The following ZNRF3 variants were observed in gnomAD, a reference collection of about 807,000 sequenced individuals.
ZNRF3 encodes E3 ubiquitin-protein ligase ZNRF3.
Under a neutral mutation model 72.5 loss-of-function variants are expected in ZNRF3, and 23 were observed. That is an observed-to-expected ratio of 0.32 (90% confidence interval 0.23 to 0.45). ZNRF3 has a LOEUF of 0.45. Ranked by LOEUF, ZNRF3 falls within the 20% of genes least tolerant of loss-of-function variation. The pLI is 1.00. For synonymous variants in ZNRF3, 610 were observed against 545.3 expected (o/e 1.12, Z -1.65); for missense variants, 1,169 against 1,272.1 (o/e 0.92, Z 1.23).
intron 1 of ZNRF3, among the ~76,000 whole-genome samples, chr22:28,939,502 G>A (rs1341216946): frequency 6.6e-6 from 1 of 152,072 alleles, no homozygotes; most frequent in African/African-American, 2.4e-5. Flanking sequence ...TAGAAACAAG[G>A]ACAGAACGAA....
chr22:28,971,510 G>A (rs1051849229), intron 1 of ZNRF3, among the ~76,000 whole-genome samples: 5 of 152,066 alleles, frequency 3.3e-5, no homozygotes, highest in Admixed American at 6.6e-5. Flanking sequence ...TCCATGCCTC[G>A]TACGCCCTAA....
intron 1 of ZNRF3, among the ~76,000 whole-genome samples, chr22:28,955,287 T>C (rs2035239238): frequency 6.6e-6 from 1 of 152,090 alleles, no homozygotes; most frequent in Non-Finnish European, 1.5e-5. Context: ...ACTCAAGTGA[T>C]CCTCCTTCAC....
intron 2 of ZNRF3, among the ~76,000 whole-genome samples, chr22:28,998,472 C>T (rs140564606): frequency 9.4e-4 from 143 of 152,178 alleles, no homozygotes; most frequent in African/African-American, 3.1e-3. Flanking sequence ...TTAAGGAGCA[C>T]TTGGGTAGCT....
chr22:29,052,564 G>A (rs1275037176), intron 8 of ZNRF3, among the ~76,000 whole-genome samples: 1 of 152,112 alleles, frequency 6.6e-6, no homozygotes, highest in Non-Finnish European at 1.5e-5. Context: ...GTGGTGGCGT[G>A]TGCCTGTAGT....
intron 1 of ZNRF3, among the ~76,000 whole-genome samples, chr22:28,980,712 TATTA>T (rs928039897): frequency 6.6e-6 from 1 of 152,212 alleles, no homozygotes; most frequent in African/African-American, 2.4e-5. Flanking sequence ...CATTGTAGCT[TATTA>T]ATTATTTGCA....
chr22:28,884,797 C>T (rs983534449), intron 1 of ZNRF3, among the ~76,000 whole-genome samples: 1 of 151,220 alleles, frequency 6.6e-6, no homozygotes, highest in African/African-American at 2.4e-5. Context: ...GACAGGACCT[C>T]CACCTTGGAC....
In ZNRF3 at chr22:29,049,287, C is replaced by A; in HGVS notation, c.1106C>A (p.Pro369His). ...AGGGTGACCCTGCCGGTGCATTACC[C>A]CGGCCGCGTGCACAGGACCAACGCC... ...QQRVTLPVHY[P>H]GRVHRTNAIP... is the part of the protein sequence containing the mutation. Residue 369 changes from proline (P) to histidine (H), a missense_variant, in exon 8 of 9, where the codon CCC (proline) becomes CAC (histidine). This residue lies in a region of ZNRF3 where 386 missense variants were observed against 540.7 expected (regional missense o/e 0.71). Coordinates refer to ENST00000544604, the MANE Select transcript of ZNRF3 (RefSeq NM_001206998.2). This position sits in a 1 kb window ranked among gnomAD's most constrained non-coding sequence, Gnocchi z 5.2. 1 of 1,614,046 alleles carries A rather than the reference C, an allele frequency of 6.2e-7. No homozygotes were observed.
At chr22:28,902,758 C>T (rs887082157) in intron 1 of ZNRF3, among the ~76,000 whole-genome samples, 3 of 152,082 alleles carry the variant, frequency 2.0e-5, no homozygotes, top group African/African-American at 7.2e-5. Flanking sequence ...CTTTTCCTAG[C>T]GTTGTTATGA....
At chr22:28,900,954 T>A (rs879858357) in intron 1 of ZNRF3, among the ~76,000 whole-genome samples, 147 of 151,932 alleles carry the variant, frequency 9.7e-4, no homozygotes, top group Admixed American at 1.1e-3. Flanking sequence ...AAATTTTTTT[T>A]AAAAAAATTA....
chr22:28,924,176 T>C (rs1298609162), intron 1 of ZNRF3, among the ~76,000 whole-genome samples: 1 of 152,162 alleles, frequency 6.6e-6, no homozygotes, highest in Admixed American at 6.5e-5. Context: ...AGGTGAAGCA[T>C]GTGTTGCAGA....
intron 1 of ZNRF3, among the ~76,000 whole-genome samples, chr22:28,894,034 C>T (rs1325675173): frequency 6.6e-6 from 1 of 152,132 alleles, no homozygotes; most frequent in African/African-American, 2.4e-5. Flanking sequence ...TGGCTCACTG[C>T]AGCTTGAAAT....
At chr22:28,971,189 TAAA>T (rs1296907192) in intron 1 of ZNRF3, among the ~76,000 whole-genome samples, 1 of 151,592 alleles carries the variant, frequency 6.6e-6, no homozygotes, top group Non-Finnish European at 1.5e-5. Flanking sequence ...ACCCTGTCTC[TAAA>T]AAAATGTTTT....
intron 1 of ZNRF3, among the ~76,000 whole-genome samples, chr22:28,945,713 A>G (rs1191627591): frequency 6.6e-6 from 1 of 151,976 alleles, no homozygotes; most frequent in Non-Finnish European, 1.5e-5. Context: ...TACTTTTAGT[A>G]GAGACGGGGT....
chr22:29,041,082 A>G lies in ZNRF3; in HGVS notation c.427-1413A>G, dbSNP rs181692897. Among the ~76,000 whole-genome samples, 17 of 152,306 alleles carry G rather than the reference A, an allele frequency of 1.1e-4. No individual in the cohort carries two copies. The East Asian group carries it at 2.5e-3, about 22-fold the overall frequency. ...GGGTTTGCCTTCTATACATACACAC[A>G]TTAGAAGTGTCTTACTTCCCTAACA... On this transcript the variant is annotated intron_variant, in intron 2 of 8. Transcript: ENST00000544604.
At chr22:29,026,959 A>C (rs528824765) in intron 2 of ZNRF3, 1 of 152,362 alleles carries the variant, frequency 6.6e-6, no homozygotes, top group African/African-American at 2.4e-5. Context: ...GAGTAGCATA[A>C]GTGGGTTTCT....
intron 1 of ZNRF3, among the ~76,000 whole-genome samples, chr22:28,960,328 A>G (rs375588513): frequency 9.2e-5 from 14 of 152,350 alleles, no homozygotes; most frequent in African/African-American, 3.4e-4. Flanking sequence ...TTTTTAATAA[A>G]TGAGTCCCTT....
chr22:28,952,222 ATGT>A (rs1230373370), intron 1 of ZNRF3, among the ~76,000 whole-genome samples: 1 of 152,172 alleles, frequency 6.6e-6, no homozygotes, highest in Admixed American at 6.5e-5. Flanking sequence ...TTTTATGAAG[ATGT>A]TGTTGTACTT....
chr22:29,011,108 G>C (rs879310337), intron 2 of ZNRF3, among the ~76,000 whole-genome samples: 5 of 152,208 alleles, frequency 3.3e-5, no homozygotes, highest in Admixed American at 2.6e-4. Context: ...CACATAGAAG[G>C]TTACACAAAC....
intron 1 of ZNRF3, among the ~76,000 whole-genome samples, chr22:28,887,241 T>A (rs889697433): frequency 1.8e-3 from 261 of 145,566 alleles, no homozygotes; most frequent in African/African-American, 5.0e-3. Flanking sequence ...AGAGAGTGTG[T>A]GTGTGTGTGT....
Sources: gnomAD v4.1 joint callset for allele counts (sites outside exome capture counted in the v4.1 genomes callset) on GRCh38, gnomAD v4.1.1 for gene constraint, gnomAD v4.1.1 regional missense constraint, Gnocchi (gnomAD v3.1) non-coding constraint, MANE v1.5 for transcripts, NCBI Gene and HGNC (gene_info 2026-07-23, HGNC 2026-07-21) for gene names.